Variants in PROK2 observed in about 807,000 individuals in gnomAD.
The protein encoded by PROK2 is prokineticin 2, also known as prokineticin-2.
A neutral mutation model predicts 14.2 loss-of-function variants in PROK2; 8 were observed. The observed-to-expected ratio is 0.56, with a 90% CI of 0.33 to 1.02. The LOEUF is 1.02. PROK2 is among the 50% of genes least tolerant of loss of function. The probability of loss-of-function intolerance (pLI) is 0.03; values close to 1 mark genes in which losing one functional copy is unlikely to be tolerated. For synonymous variants in PROK2, 59 were observed against 60.7 expected (o/e 0.97, Z 0.13); for missense variants, 154 against 160.4 (o/e 0.96, Z 0.22).
Position 71,785,060 on chromosome 3 carries a change from T to G in PROK2, c.-8A>C. On this transcript the variant is annotated 5_prime_UTR_variant, in exon 1 of 4. Transcript: ENST00000295619. ...GCAGCACAGGCTCCTCATGGCGCCC[T>G]CGGGACTGGGCGGCCGCCGGAGGCA... 1 of 1,235,774 alleles carries G rather than the reference T, an allele frequency of 8.1e-7. No individual in the cohort carries two copies. The allele number at this position is 1,235,774 out of a possible 1,614,324, so 76.6% of individuals were successfully genotyped here. A position where few individuals can be genotyped will look rare whatever the true frequency, so the allele number is the denominator to read the frequency against.
Position 71,785,048 on chromosome 3 carries a change from C to T in PROK2, c.5G>A (p.Arg2Lys). The change falls in exon 1 of 4, where the codon AGG becomes AAG. Residue 2 changes from arginine (R) to lysine (K), a missense_variant. Physicochemically the swap from Arg to Lys is conservative, Grantham distance 26. Transcript: ENST00000295619. Reference sequence around the variant, plus strand: ...CAGGAGTGGGGCGCAGCACAGGCTCCTCATGGCGCCCTCGGGACTGGGCGG... The same window carrying T: ...CAGGAGTGGGGCGCAGCACAGGCTCTTCATGGCGCCCTCGGGACTGGGCGG... M[R>K]SLCCAPLLLL... The T allele has an allele frequency of 3.2e-6, 4 of 1,239,092 alleles. No individual in the cohort carries two copies. Among genetic ancestry groups the T allele is most frequent in the Non-Finnish European group, 4.0e-6 (4 of 987,662 alleles). 76.8% of individuals were successfully genotyped at this position (1,239,092 alleles called of 1,614,324 possible).
In PROK2 at chr3:71,772,059, G is replaced by A. The variant is rs2050083648; in HGVS notation, c.*665C>T. 6.6e-6 allele frequency: 1 copy of A among 152,294 alleles called. No homozygotes were observed. Among genetic ancestry groups the A allele is most frequent in the African/African-American group, 2.4e-5 (1 of 41,442 alleles). The allele number at this position is 152,294 out of a possible 1,614,324, so 9.4% of individuals were successfully genotyped here. Reference sequence around the variant, plus strand: ...CCAACAGCAGAGCTGAAGTCCTCTTGAGTGACAGGTTTAGGAAGGGTCCAG... The same window carrying A: ...CCAACAGCAGAGCTGAAGTCCTCTTAAGTGACAGGTTTAGGAAGGGTCCAG... On this transcript the variant is annotated 3_prime_UTR_variant, in exon 4 of 4. Coordinates refer to ENST00000295619, the MANE Select transcript of PROK2 (RefSeq NM_001126128.2).
chr3:71,779,601 A>T (rs2050145846), intron 2 of PROK2, among the ~76,000 whole-genome samples: 1 of 152,252 alleles, frequency 6.6e-6, no homozygotes, highest in South Asian at 2.1e-4. Context: ...CTGCATGAAA[A>T]CAACACAATT....
At chr3:71,780,048 G>C (rs190608253) in intron 2 of PROK2, among the ~76,000 whole-genome samples, 34 of 152,350 alleles carry the variant, frequency 2.2e-4, no homozygotes, top group Non-Finnish European at 1.2e-4. Flanking sequence ...TGGGCCAGCG[G>C]CCCCTCTTCT....
chr3:71,785,039 C>A lies in PROK2; in HGVS notation c.14G>T (p.Cys5Phe). The change falls in exon 1 of 4, where the codon TGC (cysteine) becomes TTC (phenylalanine). Residue 5 changes from cysteine to phenylalanine, a missense_variant. Transcript: ENST00000295619. ...CAAGAGGAGCAGGAGTGGGGCGCAG[C>A]ACAGGCTCCTCATGGCGCCCTCGGG... MRSL[C>F]CAPLLLLLLL... is the part of the protein sequence containing the mutation. 8.1e-7 allele frequency: 1 copy of A among 1,241,004 alleles called. No individual in the cohort carries two copies. 76.9% of individuals were successfully genotyped at this position (1,241,004 alleles called of 1,614,324 possible).
intron 1 of PROK2, among the ~76,000 whole-genome samples, chr3:71,782,582 G>A (rs898410381): frequency 1.4e-4 from 21 of 152,046 alleles, no homozygotes; most frequent in Admixed American, 1.2e-3. Context: ...TTGAACCGTG[G>A]GCAGTAATCT....
intron 3 of PROK2, 56 bp from the exon 4 acceptor site, chr3:71,772,884 C>A (rs2050091603): frequency 6.9e-7 from 1 of 1,457,990 alleles, no homozygotes. Flanking sequence ...ACAAACAAAC[C>A]AAATCATTCT....
chr3:71,780,271 T>C (rs573128638), intron 2 of PROK2, among the ~76,000 whole-genome samples: 1 of 152,332 alleles, frequency 6.6e-6, no homozygotes, highest in South Asian at 2.1e-4. Context: ...ACAACTGGAA[T>C]CCACATTATA....
intron 1 of PROK2, among the ~76,000 whole-genome samples, chr3:71,782,454 G>A (rs950967980): frequency 1.3e-5 from 2 of 152,072 alleles, no homozygotes; most frequent in African/African-American, 4.8e-5. Context: ...CAACTATGGA[G>A]GAATTTCCAT....
intron 1 of PROK2, among the ~76,000 whole-genome samples, chr3:71,782,021 T>A (rs2108197417): frequency 6.6e-6 from 1 of 152,146 alleles, no homozygotes; most frequent in Non-Finnish European, 1.5e-5. Context: ...GGGGCCAATT[T>A]AAAAAAAGAG....
intron 1 of PROK2, 87 bp from the exon 2 acceptor site, chr3:71,781,679 T>A: frequency 7.3e-7 from 1 of 1,372,948 alleles, no homozygotes; most frequent in South Asian, 1.2e-5. Context: ...AAATGCCCTT[T>A]AAATATCTAA....
intron 2 of PROK2, among the ~76,000 whole-genome samples, chr3:71,778,576 G>GAA (rs35074127): frequency 6.7e-6 from 1 of 148,480 alleles, no homozygotes; most frequent in African/African-American, 2.5e-5. Context: ...GAAACAAAAT[G>GAA]AAAAAAAAAA....
intron 2 of PROK2, among the ~76,000 whole-genome samples, chr3:71,781,061 CA>C (rs1553674692): frequency 6.6e-6 from 1 of 152,150 alleles, no homozygotes; most frequent in Non-Finnish European, 1.5e-5. Flanking sequence ...TCCCAAAACA[CA>C]GAGCTTCCTT....
intron 1 of PROK2, among the ~76,000 whole-genome samples, chr3:71,784,632 A>G (rs2050196593): frequency 6.6e-6 from 1 of 152,176 alleles, no homozygotes; most frequent in South Asian, 2.1e-4. Context: ...TCAGAGAGAA[A>G]CTTCTTTCAG....
intron 2 of PROK2, among the ~76,000 whole-genome samples, chr3:71,776,488 C>T (rs1252757015): frequency 6.6e-6 from 1 of 150,936 alleles, no homozygotes; most frequent in Non-Finnish European, 1.5e-5. Flanking sequence ...AGTGATGCTC[C>T]CACCTCAGCC....
Position 71,773,463 on chromosome 3 carries a change from A to C in PROK2, c.286-635T>G, listed in dbSNP as rs530607890. Among the ~76,000 whole-genome samples the C allele has an allele frequency of 7.2e-5, 11 of 152,296 alleles. No individual in the cohort carries two copies. In the East Asian group the frequency reaches 2.1e-3, roughly 29 times the overall value. On this transcript the variant is annotated intron_variant, in intron 3 of 3. Coordinates refer to ENST00000295619, the MANE Select transcript of PROK2 (RefSeq NM_001126128.2). Reference sequence around the variant, plus strand: ...AGCAGTGAGTGGGCCCGAGAGACCAAGCTTTTAGTCCTCAAGCTGTACGGC... The same window carrying C: ...AGCAGTGAGTGGGCCCGAGAGACCACGCTTTTAGTCCTCAAGCTGTACGGC...
At chr3:71,775,305 A>G (rs759126878) in intron 2 of PROK2, among the ~76,000 whole-genome samples, 1 of 152,224 alleles carries the variant, frequency 6.6e-6, no homozygotes, top group African/African-American at 2.4e-5. Flanking sequence ...TGCTACCTAC[A>G]TACCAGGCCC....
chr3:71,772,593 T>C lies in PROK2; in HGVS notation c.*131A>G, dbSNP rs2050088239. On this transcript the variant is annotated 3_prime_UTR_variant, in exon 4 of 4. Coordinates refer to ENST00000295619, the MANE Select transcript of PROK2 (RefSeq NM_001126128.2). The stretch of plus-strand genomic sequence containing the variant: ...AAAAAAATCATTTACAAATCAAAGA[T>C]AAAAATGTTACTTGGAAAGTTGAGG... 3.8e-6 allele frequency: 3 copies of C among 785,362 alleles called. No individual in the cohort carries two copies. Among genetic ancestry groups the C allele is most frequent in the Non-Finnish European group, 6.5e-6 (3 of 465,030 alleles). 48.6% of individuals were successfully genotyped at this position (785,362 alleles called of 1,614,324 possible). A position where few individuals can be genotyped will look rare whatever the true frequency, so the allele number is the denominator to read the frequency against.
chr3:71,774,261 T>G (rs1173733553), intron 3 of PROK2, among the ~76,000 whole-genome samples, 184 bp downstream of exon 3: 1 of 152,244 alleles, frequency 6.6e-6, no homozygotes, highest in Non-Finnish European at 1.5e-5. Flanking sequence ...TAAATTTCTT[T>G]GTATATATCA....
Sources: gnomAD v4.1 joint callset for allele counts (sites outside exome capture counted in the v4.1 genomes callset) on GRCh38, gnomAD v4.1.1 for gene constraint, MANE v1.5 for transcripts, NCBI Gene and HGNC (gene_info 2026-07-23, HGNC 2026-07-21) for gene names.